The following KIF4A variants were observed in gnomAD, a reference collection of about 807,000 sequenced individuals.
The protein encoded by KIF4A is chromosome-associated kinesin KIF4A.
A neutral mutation model predicts 105.9 loss-of-function variants in KIF4A; 7 were observed. The ratio of observed to expected loss-of-function variants is 0.07; its 90% CI spans 0.04 to 0.12. KIF4A has a LOEUF of 0.12. Among genes scored for constraint, KIF4A ranks in the 10% least tolerant of loss-of-function variants. The probability of loss-of-function intolerance (pLI) is 1.00; values close to 1 mark genes in which losing one functional copy is unlikely to be tolerated. For synonymous variants in KIF4A, 281 were observed against 331.3 expected (o/e 0.85, Z 1.65); for missense variants, 558 against 929.2 (o/e 0.60, Z 5.19).
At chrX:70,366,121 T>A (rs2086101978) in intron 15 of KIF4A, among the ~76,000 whole-genome samples, 1 of 111,933 alleles carries the variant, frequency 8.9e-6, no homozygotes, top group Admixed American at 9.5e-5. Context: ...GCGTCCAGTC[T>A]ATTTGATTCT....
chrX:70,399,961 AAACAACAAC>A (rs199581172), intron 22 of KIF4A, among the ~76,000 whole-genome samples: 1 of 105,248 alleles, frequency 9.5e-6, no homozygotes, highest in African/African-American at 3.5e-5. Context: ...AATAAAATAA[AAACAACAAC>A]AACAACAACA....
intron 20 of KIF4A, among the ~76,000 whole-genome samples, chrX:70,393,555 AT>A (rs1175267369): frequency 9.0e-6 from 1 of 111,040 alleles, no homozygotes; most frequent in Non-Finnish European, 1.9e-5. Context: ...ATAATTATGG[AT>A]TTTTTCCTTA....
chrX:70,328,799 A>G (rs2147690692), intron 7 of KIF4A, among the ~76,000 whole-genome samples: 1 of 112,242 alleles, frequency 8.9e-6, no homozygotes, highest in Non-Finnish European at 1.9e-5. Context: ...AGGTTATTAC[A>G]GTGTTTAAGA....
chrX:70,313,101 C>T (rs1189684760), intron 7 of KIF4A, among the ~76,000 whole-genome samples: 4 of 110,515 alleles, frequency 3.6e-5, no homozygotes, highest in African/African-American at 1.3e-4. Context: ...TTTTTTTTTA[C>T]TTAATATGTT....
intron 25 of KIF4A, among the ~76,000 whole-genome samples, chrX:70,405,155 A>G (rs17216723): frequency 0.059 from 6,537 of 111,264 alleles, 192 homozygotes; most frequent in South Asian, 0.11. Flanking sequence ...AGGGCCATTC[A>G]AATGGTATGA....
intron 9 of KIF4A, among the ~76,000 whole-genome samples, chrX:70,332,331 C>G (rs978921161): frequency 5.4e-5 from 6 of 111,411 alleles, no homozygotes; most frequent in African/African-American, 2.0e-4. Context: ...GAAGGAAAAG[C>G]AGGAAAATGT....
intron 22 of KIF4A, among the ~76,000 whole-genome samples, chrX:70,400,543 A>G (rs143019506): frequency 0.023 from 2,584 of 111,387 alleles, 74 homozygotes; most frequent in African/African-American, 0.069. Flanking sequence ...TCCTTTTCCC[A>G]TCTGCATATT....
intron 10 of KIF4A, among the ~76,000 whole-genome samples, chrX:70,339,840 G>GT (rs1164106481): frequency 8.9e-6 from 1 of 111,910 alleles, no homozygotes; most frequent in Non-Finnish European, 1.9e-5. Context: ...GAAAACATTG[G>GT]TTTTCTGTTA....
chrX:70,342,158 G>A (rs764977073), intron 11 of KIF4A, among the ~76,000 whole-genome samples: 14 of 112,247 alleles, frequency 1.2e-4, no homozygotes, highest in African/African-American at 4.5e-4. Flanking sequence ...CTACCACAAA[G>A]AATCTACATA....
At chrX:70,419,921 T>C in intron 30 of KIF4A, 138 bp downstream of exon 30, 1 of 1,007,951 alleles carries the variant, frequency 9.9e-7, no homozygotes, top group South Asian at 2.2e-5. Flanking sequence ...GGGCATAGAC[T>C]CTAGTCTGGT....
At position 70,334,077 on chromosome X, in the gene KIF4A, CAA is replaced by C. The variant is rs773665678; in HGVS notation, c.1133+389_1133+390del. ...GGAGCTCCTTCAGGTTGGCTCTTCT[CAA>C]GTTTTTGATCATTTCTACAAGAGGT... On this transcript the variant is annotated intron_variant, in intron 10 of 30. Transcript: ENST00000374403. 5.9e-3 allele frequency among the ~76,000 whole-genome samples: 659 copies of C among 111,678 alleles called. 1 individual carries two copies. Among genetic ancestry groups the C allele is most frequent in the African/African-American group, 0.02 (625 of 30,702 alleles).
At chrX:70,363,802 C>T (rs2086088377) in intron 15 of KIF4A, among the ~76,000 whole-genome samples, 1 of 111,969 alleles carries the variant, frequency 8.9e-6, no homozygotes, top group African/African-American at 3.3e-5. Context: ...TTCTAGATCC[C>T]TGAGGAATCG....
chrX:70,329,449 A>C lies in KIF4A; in HGVS notation c.823A>C (p.Ser275Arg). 3 of 1,211,404 alleles carry C rather than the reference A, an allele frequency of 2.5e-6. No homozygotes were observed. Among genetic ancestry groups the C allele is most frequent in the Non-Finnish European group, 2.2e-6 (2 of 895,227 alleles). Residue 275 changes from serine to arginine, a missense_variant, in exon 8 of 31, where the codon AGT (serine) becomes CGT (arginine). Around this residue, in one of 2 missense-constraint regions of KIF4A, gnomAD observed 89 missense variants for 248.8 expected, o/e 0.36. Transcript: ENST00000374403. ...CCTCCTATGCTTGGGAAATGTAATC[A>C]GTGCTCTTGGAGATGACAAAAAGGG... Reference protein sequence around the residue: ...RGLLCLGNVISALGDDKKGGF... With the variant: ...RGLLCLGNVIRALGDDKKGGF...
At chrX:70,298,340 C>T (rs2085791577) in intron 4 of KIF4A, among the ~76,000 whole-genome samples, 1 of 110,558 alleles carries the variant, frequency 9.0e-6, no homozygotes, top group South Asian at 4.0e-4. Flanking sequence ...GCGATCCTCC[C>T]ACCCCACCTC....
intron 20 of KIF4A, among the ~76,000 whole-genome samples, chrX:70,390,337 A>G (rs183178460): frequency 8.9e-6 from 1 of 111,838 alleles, no homozygotes; most frequent in East Asian, 2.8e-4. Context: ...AATATTGAAT[A>G]GACTAGGTGA....
intron 7 of KIF4A, among the ~76,000 whole-genome samples, chrX:70,302,719 C>T (rs910648870): frequency 1.8e-5 from 2 of 111,735 alleles, no homozygotes; most frequent in African/African-American, 6.5e-5. Context: ...TAAGTATTCA[C>T]CATCCCTTCC....
chrX:70,343,605 GC>G, intron 11 of KIF4A, 97 bp from the exon 12 acceptor site: 3 of 724,732 alleles, frequency 4.1e-6, no homozygotes, highest in Admixed American at 2.7e-5. Flanking sequence ...AAAGGAGACA[GC>G]CTCTCTACCT....
intron 22 of KIF4A, 133 bp from the exon 23 acceptor site, chrX:70,402,433 C>A: frequency 1.3e-6 from 1 of 790,671 alleles, no homozygotes; most frequent in Non-Finnish European, 1.8e-6. Flanking sequence ...AACCAGATGA[C>A]TTAAACATTA....
intron 7 of KIF4A, among the ~76,000 whole-genome samples, chrX:70,306,411 T>A (rs1347058171): frequency 8.9e-6 from 1 of 112,667 alleles, no homozygotes; most frequent in East Asian, 2.8e-4. Context: ...TTTATAGAGA[T>A]TTCGCTGAAT....
Sources: gnomAD v4.1 joint callset for allele counts (sites outside exome capture counted in the v4.1 genomes callset) on GRCh38, gnomAD v4.1.1 for gene constraint, gnomAD v4.1.1 regional missense constraint, MANE v1.5 for transcripts, NCBI Gene and HGNC (gene_info 2026-07-23, HGNC 2026-07-21) for gene names.